Variants in FNBP1 observed in about 807,000 individuals in gnomAD.
FNBP1 encodes the protein formin-binding protein 1.
FNBP1 carries 26 observed loss-of-function variants against 90.6 expected under a neutral mutation model. That is an observed-to-expected ratio of 0.29 (90% CI 0.21 to 0.40). The LOEUF (loss-of-function observed/expected upper bound fraction) is 0.40. FNBP1 is among the 10% of genes least tolerant of loss of function. FNBP1 has a pLI of 1.00. For missense variants in FNBP1, 635 were observed against 768.0 expected (o/e 0.83, Z 2.05); for synonymous variants, 260 against 265.2 (o/e 0.98, Z 0.19).
At chr9:129,989,463 C>T (rs780676004) in intron 2 of FNBP1, among the ~76,000 whole-genome samples, 8 of 152,134 alleles carry the variant, frequency 5.3e-5, no homozygotes, top group African/African-American at 1.9e-4. Context: ...TGTACCCTAC[C>T]GATTCACTCA....
At chr9:129,919,110 T>A in intron 10 of FNBP1, 1 of 772,904 alleles carries the variant, frequency 1.3e-6, no homozygotes, top group African/African-American at 1.8e-5. Flanking sequence ...TGAATGGGGT[T>A]AGTGGCTGTG....
intron 12 of FNBP1, among the ~76,000 whole-genome samples, chr9:129,907,258 G>A (rs1338033408): frequency 6.6e-6 from 1 of 152,006 alleles, no homozygotes; most frequent in Non-Finnish European, 1.5e-5. Flanking sequence ...TTTGTGTATT[G>A]GGTTTTTAAT....
intron 1 of FNBP1, among the ~76,000 whole-genome samples, chr9:130,035,747 G>C (rs768632530): frequency 6.6e-6 from 1 of 152,112 alleles, no homozygotes; most frequent in Non-Finnish European, 1.5e-5. Context: ...AGGAGTTTGA[G>C]ACCAGCCTGG....
intron 11 of FNBP1, among the ~76,000 whole-genome samples, chr9:129,911,783 T>A (rs932436776): frequency 4.0e-5 from 6 of 151,776 alleles, no homozygotes; most frequent in African/African-American, 1.5e-4. Flanking sequence ...ACACAAAAAA[T>A]TAGCCGAGTG....
chr9:130,025,409 C>T (rs2058247563), intron 1 of FNBP1, among the ~76,000 whole-genome samples: 2 of 152,140 alleles, frequency 1.3e-5, no homozygotes, highest in African/African-American at 4.8e-5. Context: ...CTTTAGAAAT[C>T]GTCTATTGTA....
Position 129,909,350 on chromosome 9 carries a change from A to G in FNBP1, c.1186-351T>C, listed in dbSNP as rs1196121141. ...CCTTTTCCTACCAAGTGTTACCATC[A>G]ATGTCAGTGGCAACACTGAAGTGTT... On this transcript the variant is annotated intron_variant, in intron 11 of 16. Transcript: ENST00000446176. Among the ~76,000 whole-genome samples the G allele has an allele frequency of 2.6e-5, 4 of 152,182 alleles. No individual in the cohort carries two copies. The East Asian group carries it at 7.7e-4, about 29-fold the overall frequency.
chr9:130,016,395 C>T (rs1389324522), intron 1 of FNBP1, among the ~76,000 whole-genome samples: 4 of 152,196 alleles, frequency 2.6e-5, no homozygotes, highest in African/African-American at 9.7e-5. Context: ...TGATTCATCA[C>T]ATCCCCCACT....
intron 1 of FNBP1, among the ~76,000 whole-genome samples, chr9:130,006,228 A>C (rs1271554827): frequency 2.0e-5 from 3 of 152,142 alleles, no homozygotes; most frequent in Admixed American, 2.0e-4. Context: ...GGATCACTTG[A>C]GGTCAGCAGT....
At chr9:129,939,396 T>A (rs6478929) in intron 6 of FNBP1, among the ~76,000 whole-genome samples, 149,522 of 150,480 alleles carry the variant, frequency 0.99, 74,282 homozygotes, top group South Asian at 1. Context: ...TCCCGAAAAA[T>A]AAAAAAATCT....
chr9:130,044,246 C>T (rs2060031190), upstream of FNBP1, among the ~76,000 whole-genome samples: 2 of 152,190 alleles, frequency 1.3e-5, no homozygotes. Context: ...AACATGGGCC[C>T]CCAGTTAAAA....
intron 1 of FNBP1, among the ~76,000 whole-genome samples, chr9:130,013,123 A>C (rs746282692): frequency 2.0e-5 from 3 of 152,166 alleles, no homozygotes; most frequent in Admixed American, 1.3e-4. Flanking sequence ...TCTAGAATAT[A>C]GATAGCACTC....
In FNBP1 at chr9:129,978,459, G is replaced by A. The variant is rs373254815; in HGVS notation, c.345+6C>T. The A allele has an allele frequency of 2.2e-5, 35 of 1,610,912 alleles. No individual in the cohort carries two copies. The highest frequency in any genetic ancestry group is 2.8e-5 in the Non-Finnish European group (33 of 1,177,758). On this transcript the variant is annotated splice_donor_region_variant and intron_variant, in intron 4 of 16. Coordinates refer to ENST00000446176, the MANE Select transcript of FNBP1 (RefSeq NM_015033.3). ...TTAGGAAGAAAAAGAATAAAGTTTT[G>A]CTTACTGATTTCCTCTCCTGTTTCA...
intron 16 of FNBP1, among the ~76,000 whole-genome samples, chr9:129,892,393 ACACACACACACACACACACAC>A (rs2035194423): frequency 3.5e-5 from 5 of 143,880 alleles, no homozygotes; most frequent in South Asian, 2.3e-4. Flanking sequence ...ACACACACAC[ACACACACACACACACACACAC>A]ACAAAAAGGT....
intron 12 of FNBP1, among the ~76,000 whole-genome samples, chr9:129,904,812 G>A (rs893814094): frequency 4.6e-5 from 7 of 151,954 alleles, no homozygotes; most frequent in African/African-American, 1.5e-4. Context: ...GCTCTTGGAG[G>A]AAGCTCTATG....
At chr9:129,958,985 C>CAGAAA (rs2047365949) in intron 4 of FNBP1, among the ~76,000 whole-genome samples, 3 of 9,154 alleles carry the variant, frequency 3.3e-4, no homozygotes, top group African/African-American at 4.0e-4. Flanking sequence ...AACTCTGCCT[C>CAGAAA]AAAAAAAAAA....
intron 4 of FNBP1, 105 bp from the exon 5 acceptor site, chr9:129,958,658 T>G: frequency 1.2e-6 from 1 of 869,268 alleles, no homozygotes. Flanking sequence ...ATTGAACCTC[T>G]AGTATGTATG....
At chr9:130,053,743 C>T in the FNBP1 span, 18 of 601,652 alleles carry the variant, frequency 3.0e-5, no homozygotes, top group Non-Finnish European at 5.0e-5. Context: ...ACAGGAGCGG[C>T]CGATCGAAGG....
At chr9:130,016,030 T>A (rs2131793785) in intron 1 of FNBP1, among the ~76,000 whole-genome samples, 2 of 152,372 alleles carry the variant, frequency 1.3e-5, no homozygotes, top group Admixed American at 1.3e-4. Flanking sequence ...TCTTAATCTT[T>A]GTTCATTCAT....
chr9:130,027,625 T>A (rs777605594), intron 1 of FNBP1, among the ~76,000 whole-genome samples: 15 of 152,114 alleles, frequency 9.9e-5, no homozygotes, highest in Non-Finnish European at 1.6e-4. Context: ...CAGGGACAAC[T>A]TTTCTCTGCT....
Sources: gnomAD v4.1 joint callset for allele counts (sites outside exome capture counted in the v4.1 genomes callset) on GRCh38, gnomAD v4.1.1 for gene constraint, MANE v1.5 for transcripts, NCBI Gene and HGNC (gene_info 2026-07-23, HGNC 2026-07-21) for gene names.